Variants in CD163 observed in about 807,000 individuals in gnomAD.
The protein encoded by CD163 is scavenger receptor cysteine-rich type 1 protein M130.
Under a neutral mutation model 129.2 loss-of-function variants are expected in CD163, and 64 were observed. The observed-to-expected ratio is 0.50, with a 90% CI of 0.41 to 0.61. CD163 has a LOEUF of 0.61. Ranked by LOEUF, CD163 falls within the 20% of genes least tolerant of loss-of-function variation. The pLI is 0.00. For synonymous variants in CD163, 446 were observed against 478.5 expected (o/e 0.93, Z 0.89); for missense variants, 1,061 against 1,377.9 (o/e 0.77, Z 3.64).
At position 7,502,882 on chromosome 12, in the gene CD163, A is replaced by G. The variant is rs1949514133; in HGVS notation, c.47-318T>C. On this transcript the variant is annotated intron_variant, in intron 1 of 16. Transcript: ENST00000432237. ...CATCAATGAAACTTAGTAGTGGACA[A>G]TTCTCCCAGCAGGCACAGGGAAGGT... The G allele has an allele frequency of 7.7e-6, 4 of 519,428 alleles. No individual in the cohort carries two copies. The South Asian group carries it at 1.0e-4, about 13-fold the overall frequency. The allele number at this position is 519,428 out of a possible 1,614,324, so 32.2% of individuals were successfully genotyped here.
intron 16 of CD163, among the ~76,000 whole-genome samples, chr12:7,474,276 C>T (rs1302486306): frequency 1.3e-5 from 2 of 152,162 alleles, no homozygotes; most frequent in Admixed American, 6.5e-5. Context: ...ACAGAATATA[C>T]ATTCTTCTCA....
intron 15 of CD163, 46 bp from the exon 16 acceptor site, chr12:7,479,959 T>C (rs141755106): frequency 1.2e-6 from 2 of 1,612,538 alleles, no homozygotes; most frequent in African/African-American, 2.7e-5. Context: ...CAGAAATTAG[T>C]TCAGCAGCAC....
chr12:7,497,275 GAAATC>G (rs1949416554), intron 4 of CD163, 142 bp from the exon 5 acceptor site: 1 of 673,422 alleles, frequency 1.5e-6, no homozygotes, highest in African/African-American at 1.8e-5. Context: ...ACTACCACTG[GAAATC>G]ATTCAAGATG....
At chr12:7,479,765 A>G in intron 16 of CD163, 95 bp downstream of exon 16, 2 of 1,275,914 alleles carry the variant, frequency 1.6e-6, no homozygotes, top group Non-Finnish European at 2.2e-6. Flanking sequence ...AAATATGTTT[A>G]TATACATTCT....
intron 6 of CD163, among the ~76,000 whole-genome samples, chr12:7,494,546 G>A (rs1379874995): frequency 1.3e-5 from 2 of 152,102 alleles, no homozygotes; most frequent in Non-Finnish European, 2.9e-5. Context: ...TTACTTTAGA[G>A]TTATTTAAAA....
At position 7,485,424 on chromosome 12, in the gene CD163, G is replaced by A. The variant is rs10743939; in HGVS notation, c.2459-8C>T. 1,158,450 of 1,603,644 alleles carry A rather than the reference G, an allele frequency of 0.72. 434,089 individuals carry two copies. The highest frequency in any genetic ancestry group is 0.77 in the Non-Finnish European group (905,186 of 1,172,392). ...GTCTCAGAGACATGAATTCTGCAGC[G>A]AAACATAGAATTAGTAGTTTTGCAT... On this transcript the variant is annotated splice_polypyrimidine_tract_variant and splice_region_variant and intron_variant, in intron 10 of 16. Coordinates refer to ENST00000432237, the MANE Select transcript of CD163 (RefSeq NM_203416.4). The surrounding 1 kb of genome is among the most constrained non-coding windows in gnomAD (Gnocchi z 4.5).
At chr12:7,495,714 A>G (rs1460163664) in intron 5 of CD163, among the ~76,000 whole-genome samples, 2 of 151,126 alleles carry the variant, frequency 1.3e-5, no homozygotes, top group Admixed American at 6.6e-5. Context: ...GACAACAAAC[A>G]TATGAAAAAT....
At chr12:7,498,770 G>T in intron 4 of CD163, 98 bp downstream of exon 4, 1 of 1,173,438 alleles carries the variant, frequency 8.5e-7, no homozygotes. Context: ...AAAAGAAGCA[G>T]ACTTCATTAT....
chr12:7,475,702 C>T (rs1949077872), intron 16 of CD163, among the ~76,000 whole-genome samples: 1 of 152,106 alleles, frequency 6.6e-6, no homozygotes, highest in African/African-American at 2.4e-5. Context: ...CTTCTCTCAC[C>T]ACTCCTATTC....
chr12:7,482,785 A>C (rs751106092), intron 13 of CD163, 23 bp from the exon 14 acceptor site: 1 of 1,613,378 alleles, frequency 6.2e-7, no homozygotes, highest in Non-Finnish European at 8.5e-7. Flanking sequence ...AAATATCAAG[A>C]GATATGATCA....
At chr12:7,500,184 G>A (rs944444846) in intron 3 of CD163, among the ~76,000 whole-genome samples, 4 of 151,920 alleles carry the variant, frequency 2.6e-5, no homozygotes, top group Non-Finnish European at 5.9e-5. Context: ...ATTTTGGGAG[G>A]CCGAGGCAGG....
chr12:7,487,796 C>T lies in CD163; in HGVS notation c.1712G>A (p.Arg571Lys). The change falls in exon 7 of 17, where the codon AGG becomes AAG. Residue 571 changes from arginine (R) to lysine (K), a missense_variant. By Grantham distance (26) the Arg-to-Lys change is conservative (BLOSUM62 2). Coordinates refer to ENST00000432237, the MANE Select transcript of CD163 (RefSeq NM_203416.4). This position sits in a 1 kb window ranked among gnomAD's most constrained non-coding sequence, Gnocchi z 5.1. ...PRPEGTCSHS[R>K]DVGVVCSRYT... ...ACTTGAGCAGACTACTCCAACATCCCTGCTGTGGCTACAAGTTCCTTCTGG... is the reference window on the plus strand; with the variant it reads ...ACTTGAGCAGACTACTCCAACATCCTTGCTGTGGCTACAAGTTCCTTCTGG... The T allele has an allele frequency of 1.9e-6, 3 of 1,614,098 alleles. No individual in the cohort carries two copies. Among genetic ancestry groups the T allele is most frequent in the Non-Finnish European group, 2.5e-6 (3 of 1,180,030 alleles).
chr12:7,477,638 C>A (rs1200140156), intron 16 of CD163, among the ~76,000 whole-genome samples: 1 of 152,066 alleles, frequency 6.6e-6, no homozygotes, highest in East Asian at 1.9e-4. Context: ...GCTCCTAATG[C>A]ATGCAGGGCT....
At position 7,498,960 on chromosome 12, in the gene CD163, T is replaced by C; in HGVS notation, c.686A>G (p.Asn229Ser). The change falls in exon 4 of 17, where the codon AAC becomes AGC. Residue 229 changes from asparagine (N) to serine (S), a missense_variant. Transcript: ENST00000432237. ...GPIWFDDLIC[N>S]GNESALWNCK... ...GTTCCAGAGAGCTGACTCATTTCCG[T>C]TGCATATAAGATCATCAAACCAGAT... The C allele has an allele frequency of 6.2e-7, 1 of 1,614,152 alleles. No homozygotes were observed. The highest frequency in any genetic ancestry group is 8.5e-7 in the Non-Finnish European group (1 of 1,180,014).
Position 7,485,701 on chromosome 12 carries a change from G to C in CD163, c.2459-285C>G, listed in dbSNP as rs1949238024. Among the ~76,000 whole-genome samples, 1 of 151,834 alleles carries C rather than the reference G, an allele frequency of 6.6e-6. No individual in the cohort carries two copies. The highest frequency in any genetic ancestry group is 1.5e-5 in the Non-Finnish European group (1 of 67,972). On this transcript the variant is annotated intron_variant, in intron 10 of 16. Transcript: ENST00000432237. This position sits in a 1 kb window ranked among gnomAD's most constrained non-coding sequence, Gnocchi z 4.5. ...AGGCTTTTTTCAGTTACATAGTTTG[G>C]ATTTTTTCCCAAAAATATTCTCCTT... is the stretch of plus-strand genomic sequence containing the variant.
intron 6 of CD163, among the ~76,000 whole-genome samples, chr12:7,489,425 T>C (rs891443167): frequency 2.6e-5 from 4 of 152,132 alleles, no homozygotes; most frequent in African/African-American, 9.6e-5. Context: ...TTAGATGACT[T>C]AACGTTTCCT....
At chr12:7,483,841 A>ATATATATATATATTTT (rs1442991429) in intron 11 of CD163, 166 bp from the exon 12 acceptor site, 1 of 110,028 alleles carries the variant, frequency 9.1e-6, no homozygotes, top group African/African-American at 3.8e-5. Context: ...ATATATATAT[A>ATATATATATATATTTT]TTTTTTTTTT....
In CD163 at chr12:7,497,003, T is replaced by C; in HGVS notation, c.909A>G (p.Ala303=). The C allele has an allele frequency of 6.2e-7, 1 of 1,614,108 alleles. No individual in the cohort carries two copies. The highest frequency in any genetic ancestry group is 8.5e-7 in the Non-Finnish European group (1 of 1,180,012). Residue 303 remains alanine, a synonymous_variant, in exon 5 of 17, where the codon GCA becomes GCG. Transcript: ENST00000432237. ...CAGTTGGACATCCCAGTTGCTTGCATGCCACAGCAGCATCGTAACTGTCCC... is the reference window on the plus strand; with the variant it reads ...CAGTTGGACATCCCAGTTGCTTGCACGCCACAGCAGCATCGTAACTGTCCC... ...DGWDSYDAAV[A]CKQLGCPTAV...
At chr12:7,488,399 C>T (rs953880331) in intron 6 of CD163, among the ~76,000 whole-genome samples, 8 of 152,198 alleles carry the variant, frequency 5.3e-5, no homozygotes, top group Non-Finnish European at 1.0e-4. Flanking sequence ...TTAGAGACCA[C>T]AAACAATGTG....
Sources: allele counts gnomAD v4.1 joint callset (sites outside exome capture counted in the v4.1 genomes callset), GRCh38; gene constraint gnomAD v4.1.1; non-coding constraint Gnocchi (gnomAD v3.1); transcripts MANE v1.5; gene names NCBI Gene and HGNC (gene_info 2026-07-23, HGNC 2026-07-21).